The following PHF19 variants were observed in gnomAD, a reference collection of about 807,000 sequenced individuals.
PHF19 encodes PHD finger protein 19.
Under a neutral mutation model 79.8 loss-of-function variants are expected in PHF19, and 21 were observed. That is an observed-to-expected ratio of 0.26 (90% CI 0.19 to 0.38). PHF19 has a LOEUF of 0.38. Ranked by LOEUF, PHF19 falls within the 10% of genes least tolerant of loss-of-function variation. The pLI is 1.00. For synonymous variants in PHF19, 273 were observed against 296.3 expected (o/e 0.92, Z 0.81); for missense variants, 445 against 744.2 (o/e 0.60, Z 4.68).
Position 120,869,044 on chromosome 9 carries a change from C to T in PHF19, c.614+138G>A, listed in dbSNP as rs1284550344. ...GGCCCGCCCCTCGAGGCCCCGCCCCCACAGCGCAACACACTGGGCCCGCCC... is the reference window on the plus strand; with the variant it reads ...GGCCCGCCCCTCGAGGCCCCGCCCCTACAGCGCAACACACTGGGCCCGCCC... On this transcript the variant is annotated intron_variant, in intron 6 of 14. Coordinates refer to ENST00000373896, the MANE Select transcript of PHF19 (RefSeq NM_015651.3). The surrounding 1 kb of genome is among the most constrained non-coding windows in gnomAD (Gnocchi z 5.8). The T allele has an allele frequency of 3.2e-6, 3 of 949,168 alleles. No homozygotes were observed. Among genetic ancestry groups the T allele is most frequent in the Admixed American group, 3.9e-5 (1 of 25,422 alleles). The allele number at this position is 949,168 out of a possible 1,614,324, so 58.8% of individuals were successfully genotyped here.
chr9:120,892,214 A>T (rs915717694), intron 1 of PHF19, among the ~76,000 whole-genome samples: 25 of 152,292 alleles, frequency 1.6e-4, no homozygotes, highest in African/African-American at 6.0e-4. Flanking sequence ...AGCATCTATT[A>T]CCAATGTTTG....
rs149679591 is a variant in PHF19 at position 120,870,459 on chromosome 9, G to A, written c.348C>T (p.Cys116=). ...TCCACTCACCCAGGCCACACTTCCC[G>A]CAGATGAGGATCTCATTCAGCGGCC... is the stretch of plus-strand genomic sequence containing the variant. ...TSGPLNEILI[C]GKCGLGYHQQ... The change falls in exon 4 of 15, where the codon TGC becomes TGT. Residue 116 remains cysteine (C), a synonymous_variant. Coordinates refer to ENST00000373896, the MANE Select transcript of PHF19 (RefSeq NM_015651.3). The surrounding 1 kb of genome is among the most constrained non-coding windows in gnomAD (Gnocchi z 4.4). The A allele has an allele frequency of 1.3e-4, 206 of 1,610,832 alleles. No homozygotes were observed. The African/African-American group carries it at 1.5e-3, about 11-fold the overall frequency.
At chr9:120,877,367 T>C, upstream of PHF19, 2 of 980,686 alleles carry the variant, frequency 2.0e-6, no homozygotes, top group East Asian at 1.2e-4. Flanking sequence ...GCTTATGTAA[T>C]TAGCGGGGGC....
chr9:120,873,949 G>C, intron 3 of PHF19, 30 bp downstream of exon 3: 1 of 1,173,662 alleles, frequency 8.5e-7, no homozygotes, highest in Non-Finnish European at 1.3e-6. Flanking sequence ...GGGGAGGTTG[G>C]GGGCTACCCG....
rs1056549469 is a variant in PHF19, at chr9:120,874,175, G to A, written c.187-115C>T. The A allele has an allele frequency of 1.5e-6, 1 of 663,266 alleles. No individual in the cohort carries two copies. The highest frequency in any genetic ancestry group is 1.8e-5 in the African/African-American group (1 of 55,832). The allele number at this position is 663,266 out of a possible 1,614,324, so 41.1% of individuals were successfully genotyped here. On this transcript the variant is annotated intron_variant, in intron 2 of 14. Coordinates refer to ENST00000373896, the MANE Select transcript of PHF19 (RefSeq NM_015651.3). This position sits in a 1 kb window ranked among gnomAD's most constrained non-coding sequence, Gnocchi z 4.5. ...ATGTTCCAGAAAGCAGGGCTAGAAGGGGAAGAAGGATGGCAGTTCCTGGAC... is the reference window on the plus strand; with the variant it reads ...ATGTTCCAGAAAGCAGGGCTAGAAGAGGAAGAAGGATGGCAGTTCCTGGAC...
chr9:120,867,446 G>T (rs10985068), intron 6 of PHF19, among the ~76,000 whole-genome samples: 3 of 152,142 alleles, frequency 2.0e-5, no homozygotes, highest in Non-Finnish European at 4.4e-5. Context: ...ACTGTATCTG[G>T]CCTATCATGG....
At chr9:120,861,891 T>A in intron 12 of PHF19, 27 bp downstream of exon 12, 1 of 1,496,926 alleles carries the variant, frequency 6.7e-7, no homozygotes, top group Non-Finnish European at 9.3e-7. Context: ...CGTATGAAAA[T>A]GGAGAGTAAG....
chr9:120,863,023 G>A, intron 10 of PHF19: 3 of 418,212 alleles, frequency 7.2e-6, no homozygotes, highest in East Asian at 9.7e-5. Context: ...CCAGCCCCAA[G>A]GCCACCTCCT....
At chr9:120,895,461 T>A (rs1189374766), upstream of PHF19, among the ~76,000 whole-genome samples, 1 of 142,716 alleles carries the variant, frequency 7.0e-6, no homozygotes. Context: ...AGAAACTCTG[T>A]CTCAAAAGAA....
In PHF19 at chr9:120,862,969, A is replaced by G. The variant is rs948587545; in HGVS notation, c.969-220T>C. The G allele has an allele frequency of 3.6e-6, 2 of 556,790 alleles. No homozygotes were observed. The highest frequency in any genetic ancestry group is 3.8e-5 in the African/African-American group (2 of 52,906). 34.5% of individuals were successfully genotyped at this position (556,790 alleles called of 1,614,324 possible). On this transcript the variant is annotated intron_variant, in intron 10 of 14. Transcript: ENST00000373896. This position sits in a 1 kb window ranked among gnomAD's most constrained non-coding sequence, Gnocchi z 4.6. The stretch of plus-strand genomic sequence containing the variant: ...GCCTCCTCCCTGTGCTTCCTCCTGC[A>G]TGAGTGTGGTTCTTGCTGCTCTTCT...
Position 120,862,809 on chromosome 9 carries a change from G to A in PHF19, c.969-60C>T, listed in dbSNP as rs1405987158. On this transcript the variant is annotated intron_variant, in intron 10 of 14. Transcript: ENST00000373896. The surrounding 1 kb of genome is among the most constrained non-coding windows in gnomAD (Gnocchi z 4.6). ...GTCTGTCAGTCCATCCTCCTGGGGA[G>A]TGGGGTCAAGCATGACACAAGCCTC... 1 of 1,527,886 alleles carries A rather than the reference G, an allele frequency of 6.5e-7. No homozygotes were observed. The highest frequency in any genetic ancestry group is 9.1e-7 in the Non-Finnish European group (1 of 1,104,598). 94.6% of individuals were successfully genotyped at this position (1,527,886 alleles called of 1,614,324 possible). A position where few individuals can be genotyped will look rare whatever the true frequency, so the allele number is the denominator to read the frequency against.
intron 9 of PHF19, 33 bp from the exon 10 acceptor site, chr9:120,864,149 C>G (rs754054721): frequency 1.9e-6 from 3 of 1,601,112 alleles, no homozygotes; most frequent in Non-Finnish European, 2.6e-6. Flanking sequence ...GACATCAGAC[C>G]CAGGCATATG....
chr9:120,883,298 T>A (rs1439813138), intron 1 of PHF19, among the ~76,000 whole-genome samples: 1 of 152,194 alleles, frequency 6.6e-6, no homozygotes, highest in African/African-American at 2.4e-5. Context: ...AAGGATCCCT[T>A]CCCTTGTCTA....
chr9:120,887,653 GACACACAC>G (rs1010259077), intron 1 of PHF19, among the ~76,000 whole-genome samples: 1 of 31,700 alleles, frequency 3.2e-5, no homozygotes, highest in African/African-American at 9.2e-5. Context: ...CACACACACA[GACACACAC>G]ACACACACAC....
chr9:120,885,313 T>C (rs1160466234), intron 1 of PHF19, among the ~76,000 whole-genome samples: 3 of 151,856 alleles, frequency 2.0e-5, no homozygotes, highest in Non-Finnish European at 4.4e-5. Flanking sequence ...GGCGCAGTGG[T>C]TCACGCCTGT....
At chr9:120,858,614 T>G (rs2131468925) in intron 14 of PHF19, among the ~76,000 whole-genome samples, 1 of 152,212 alleles carries the variant, frequency 6.6e-6, no homozygotes, top group South Asian at 2.1e-4. Flanking sequence ...GCATATGCTC[T>G]TAGAGCTAGG....
upstream of PHF19, among the ~76,000 whole-genome samples, chr9:120,898,921 A>C (rs1223360175): frequency 6.6e-6 from 1 of 152,048 alleles, no homozygotes; most frequent in African/African-American, 2.4e-5. Flanking sequence ...TATTCCGGCC[A>C]GGCTCGGTGG....
chr9:120,894,566 C>G (rs1213735816), intron 1 of PHF19, among the ~76,000 whole-genome samples: 2 of 151,984 alleles, frequency 1.3e-5, no homozygotes, highest in Non-Finnish European at 2.9e-5. Flanking sequence ...CCGCGAAGGC[C>G]GCGGCGGGAG....
intron 3 of PHF19, among the ~76,000 whole-genome samples, chr9:120,873,695 T>C (rs2045968350): frequency 1.3e-5 from 2 of 152,244 alleles, no homozygotes; most frequent in Non-Finnish European, 2.9e-5. Context: ...AACGCAGGCC[T>C]GAGGCCCAGT....
Sources: gnomAD v4.1 joint callset for allele counts (sites outside exome capture counted in the v4.1 genomes callset) on GRCh38, gnomAD v4.1.1 for gene constraint, Gnocchi (gnomAD v3.1) non-coding constraint, MANE v1.5 for transcripts, NCBI Gene and HGNC (gene_info 2026-07-23, HGNC 2026-07-21) for gene names.